Variants in MYO1D observed in about 807,000 individuals in gnomAD.
MYO1D encodes myosin ID, also known as unconventional myosin-Id.
MYO1D carries 83 observed loss-of-function variants against 122.0 expected under a neutral mutation model. That is an observed-to-expected ratio of 0.68 (90% CI 0.57 to 0.82). The LOEUF is 0.82. Among genes scored for constraint, MYO1D ranks in the 40% least tolerant of loss-of-function variants. The probability of loss-of-function intolerance (pLI) is 0.00; values close to 1 mark genes in which losing one functional copy is unlikely to be tolerated. For missense variants in MYO1D, 1,157 were observed against 1,269.5 expected (o/e 0.91, Z 1.35); for synonymous variants, 464 against 446.9 (o/e 1.04, Z -0.48).
chr17:32,755,414 T>A, intron 11 of MYO1D, 78 bp downstream of exon 11: 1 of 1,413,764 alleles, frequency 7.1e-7, no homozygotes, highest in Non-Finnish European at 9.7e-7. Context: ...TATCCCAACA[T>A]ATAAAGTCGT....
At chr17:32,717,931 T>C (rs993976844) in intron 15 of MYO1D, among the ~76,000 whole-genome samples, 7 of 152,186 alleles carry the variant, frequency 4.6e-5, no homozygotes, top group African/African-American at 1.7e-4. Flanking sequence ...ATAGTGCCTC[T>C]CCCCTATTCT....
intron 16 of MYO1D, among the ~76,000 whole-genome samples, chr17:32,680,580 T>C (rs2088899350): frequency 7.6e-6 from 1 of 131,744 alleles, no homozygotes; most frequent in African/African-American, 2.9e-5. Flanking sequence ...TTTGCGTATA[T>C]TGAACCAGCC....
intron 21 of MYO1D, among the ~76,000 whole-genome samples, chr17:32,541,158 T>C (rs1325324563): frequency 6.6e-6 from 1 of 152,214 alleles, no homozygotes; most frequent in African/African-American, 2.4e-5. Context: ...TTATTCATAA[T>C]AGCCAAAAAG....
chr17:32,585,469 C>T (rs1384800220), intron 21 of MYO1D, among the ~76,000 whole-genome samples: 1 of 152,064 alleles, frequency 6.6e-6, no homozygotes, highest in African/African-American at 2.4e-5. Context: ...GTGGCTCATG[C>T]CTGTAATCCG....
Position 32,694,707 on chromosome 17 carries a change from CA to C in MYO1D, c.2121+17280del, listed in dbSNP as rs58606294. ...TGGGCGACAGAGCGAGACTCCGTCT[CA>C]AAAAAAAAAAAAAAAAAAAAAAAAA... On this transcript the variant is annotated intron_variant, in intron 16 of 21. Coordinates refer to ENST00000318217, the MANE Select transcript of MYO1D (RefSeq NM_015194.3). Among the ~76,000 whole-genome samples the C allele has an allele frequency of 7.0e-3, 392 of 55,892 alleles. 1 individual carries two copies. The highest frequency in any genetic ancestry group is 0.02 in the African/African-American group (266 of 13,378). 36.7% of individuals were successfully genotyped at this position (55,892 alleles called of 152,430 possible). A position where few individuals can be genotyped will look rare whatever the true frequency, so the allele number is the denominator to read the frequency against.
In MYO1D at chr17:32,876,809, T is replaced by G. The variant is rs148739091; in HGVS notation, c.64A>C (p.Met22Leu). 5 of 1,524,946 alleles carry G rather than the reference T, an allele frequency of 3.3e-6. No individual in the cohort carries two copies. Among genetic ancestry groups the G allele is most frequent in the Non-Finnish European group, 4.4e-6 (5 of 1,136,914 alleles). The allele number at this position is 1,524,946 out of a possible 1,614,324, so 94.5% of individuals were successfully genotyped here. A position where few individuals can be genotyped will look rare whatever the true frequency, so the allele number is the denominator to read the frequency against. ...ADFVLMDTVS[M>L]PEFMANLRLR... is the part of the protein sequence containing the mutation. ...CTGAGGTTGGCCATGAACTCGGGCA[T>G]GGAGACGGTGTCCATCAGCACGAAG... Residue 22 changes from methionine to leucine, a missense_variant, in exon 1 of 22, where the codon ATG becomes CTG. Coordinates refer to ENST00000318217, the MANE Select transcript of MYO1D (RefSeq NM_015194.3).
At chr17:32,846,418 TGTA>T (rs1290145843) in intron 1 of MYO1D, among the ~76,000 whole-genome samples, 1 of 152,216 alleles carries the variant, frequency 6.6e-6, no homozygotes, top group Non-Finnish European at 1.5e-5. Context: ...TACTAATATG[TGTA>T]GTATTTCTAT....
At position 32,787,351 on chromosome 17, in the gene MYO1D, TA is replaced by T. The variant is rs547072387; in HGVS notation, c.96-6568del. ...GTTTTGTTTACATGGGTAAGTTCTT[TA>T]GGGGTGATTTCCAAGATTTTGGTAC... is the stretch of plus-strand genomic sequence containing the variant. On this transcript the variant is annotated intron_variant, in intron 1 of 21. Transcript: ENST00000318217. Among the ~76,000 whole-genome samples, 178 of 152,262 alleles carry T rather than the reference TA, an allele frequency of 1.2e-3. 1 individual carries two copies. Among genetic ancestry groups the T allele is most frequent in the African/African-American group, 4.0e-3 (168 of 41,568 alleles).
intron 10 of MYO1D, among the ~76,000 whole-genome samples, chr17:32,755,912 G>A (rs977545159): frequency 1.2e-4 from 18 of 152,080 alleles, no homozygotes; most frequent in Non-Finnish European, 2.4e-4. Context: ...AAGATAATAA[G>A]GTAGACACCA....
At chr17:32,671,064 G>A (rs773674593) in intron 16 of MYO1D, among the ~76,000 whole-genome samples, 1 of 152,242 alleles carries the variant, frequency 6.6e-6, no homozygotes, top group Admixed American at 6.5e-5. Context: ...AGGCCAGAGT[G>A]GGGCAAAAGG....
intron 1 of MYO1D, among the ~76,000 whole-genome samples, chr17:32,797,409 C>T (rs986685119): frequency 1.3e-5 from 2 of 152,296 alleles, no homozygotes; most frequent in African/African-American, 4.8e-5. Flanking sequence ...TGGGCACAGG[C>T]TGGGAGGCAC....
intron 1 of MYO1D, among the ~76,000 whole-genome samples, chr17:32,872,897 C>G (rs948215244): frequency 6.8e-6 from 1 of 148,124 alleles, no homozygotes; most frequent in East Asian, 2.1e-4. Context: ...AGGGTTTCAC[C>G]TTGTTAGCCA....
At chr17:32,780,823 T>C in intron 1 of MYO1D, 39 bp from the exon 2 acceptor site, 1 of 1,589,570 alleles carries the variant, frequency 6.3e-7, no homozygotes, top group Non-Finnish European at 8.6e-7. Context: ...GTAGCTGTGG[T>C]TACAGAGAAA....
chr17:32,531,724 C>T (rs1567879367), intron 21 of MYO1D, among the ~76,000 whole-genome samples: 1 of 152,074 alleles, frequency 6.6e-6, no homozygotes, highest in South Asian at 2.1e-4. Context: ...TGATGGATAG[C>T]GGAGAAGCAT....
In MYO1D at chr17:32,685,100, C is replaced by G. The variant is rs1433741894; in HGVS notation, c.2122-25762G>C. 4.6e-5 allele frequency among the ~76,000 whole-genome samples: 7 copies of G among 152,186 alleles called. No individual in the cohort carries two copies. In the East Asian group the frequency reaches 1.2e-3, roughly 25 times the overall value. The stretch of plus-strand genomic sequence containing the variant: ...GAAAAGGTGCACATCCTTATTCTCT[C>G]TCTTAAAGTCAACAAGACCTAGAAA... On this transcript the variant is annotated intron_variant, in intron 16 of 21. Coordinates refer to ENST00000318217, the MANE Select transcript of MYO1D (RefSeq NM_015194.3).
Position 32,738,264 on chromosome 17 carries a change from G to A in MYO1D, c.1735C>T (p.Leu579Phe). ...KNSMIALVDN[L>F]ASKEPYYVRC... The stretch of plus-strand genomic sequence containing the variant: ...AAGAAAATAATTACCTTTGATGCAA[G>A]GTTGTCTACTAGAGCAATCATAGAA... Residue 579 changes from leucine (L) to phenylalanine (F), a missense_variant, in exon 14 of 22, where the codon CTT (leucine) becomes TTT (phenylalanine). Transcript: ENST00000318217. 1 of 1,601,068 alleles carries A rather than the reference G, an allele frequency of 6.2e-7. No individual in the cohort carries two copies. The highest frequency in any genetic ancestry group is 1.7e-5 in the Admixed American group (1 of 58,002).
At chr17:32,673,400 C>T (rs1258713876) in intron 16 of MYO1D, among the ~76,000 whole-genome samples, 2 of 151,838 alleles carry the variant, frequency 1.3e-5, no homozygotes, top group African/African-American at 4.8e-5. Flanking sequence ...CACTGTGCCC[C>T]GCCAACATGC....
intron 14 of MYO1D, among the ~76,000 whole-genome samples, chr17:32,728,744 A>G (rs1281621636): frequency 2.6e-5 from 4 of 152,246 alleles, no homozygotes; most frequent in Admixed American, 2.6e-4. Flanking sequence ...TGGACTGAAT[A>G]ATGTATAAAA....
intron 19 of MYO1D, among the ~76,000 whole-genome samples, chr17:32,647,207 C>CTTCTTCTT (rs1408820475): frequency 2.6e-5 from 4 of 152,328 alleles, no homozygotes; most frequent in Admixed American, 2.6e-4. Flanking sequence ...AGAAGTCTTT[C>CTTCTTCTT]ACCTTAAAGG....
Sources: allele counts gnomAD v4.1 joint callset (sites outside exome capture counted in the v4.1 genomes callset), GRCh38; gene constraint gnomAD v4.1.1; transcripts MANE v1.5; gene names NCBI Gene and HGNC (gene_info 2026-07-23, HGNC 2026-07-21).